ITPR2: variants seen among roughly 807,000 people sequenced by gnomAD.
ITPR2 encodes the protein inositol 1,4,5-trisphosphate receptor type 2.
A neutral mutation model predicts 317.1 loss-of-function variants in ITPR2; 207 were observed. The observed-to-expected ratio is 0.65, with a 90% CI of 0.58 to 0.73. ITPR2 has a LOEUF of 0.73. Among genes scored for constraint, ITPR2 ranks in the 30% least tolerant of loss-of-function variants. The probability of loss-of-function intolerance (pLI) is 0.00; values close to 1 mark genes in which losing one functional copy is unlikely to be tolerated. For missense variants in ITPR2, 2,613 were observed against 3,284.0 expected (o/e 0.80, Z 4.99); for synonymous variants, 1,156 against 1,149.1 (o/e 1.01, Z -0.12).
At chr12:26,821,420 A>G (rs1232793973) in intron 1 of ITPR2, among the ~76,000 whole-genome samples, 1 of 152,252 alleles carries the variant, frequency 6.6e-6, no homozygotes, top group Non-Finnish European at 1.5e-5. Flanking sequence ...GGGACACTGA[A>G]TACAGAAATT....
intron 35 of ITPR2, among the ~76,000 whole-genome samples, chr12:26,560,069 T>G (rs542670727): frequency 6.6e-6 from 1 of 152,306 alleles, no homozygotes; most frequent in Non-Finnish European, 1.5e-5. Flanking sequence ...TAGCATAGAA[T>G]TTTCACTAAA....
chr12:26,653,759 T>G (rs1029987870), intron 21 of ITPR2, among the ~76,000 whole-genome samples: 6 of 152,250 alleles, frequency 3.9e-5, no homozygotes, highest in African/African-American at 4.8e-5. Flanking sequence ...AGATGGAATC[T>G]GACCTTATGA....
chr12:26,689,667 T>C (rs974183115), intron 10 of ITPR2, among the ~76,000 whole-genome samples: 5 of 152,146 alleles, frequency 3.3e-5, no homozygotes, highest in Non-Finnish European at 7.4e-5. Flanking sequence ...GCTGTCCAAC[T>C]GCAAACAGCT....
At chr12:26,719,901 C>T (rs1169640424) in intron 5 of ITPR2, among the ~76,000 whole-genome samples, 4 of 151,600 alleles carry the variant, frequency 2.6e-5, no homozygotes, top group Non-Finnish European at 5.9e-5. Flanking sequence ...TTAAAATCTA[C>T]CATAAAAGTA....
intron 4 of ITPR2, among the ~76,000 whole-genome samples, chr12:26,722,848 G>A (rs145538230): frequency 4.7e-4 from 72 of 152,202 alleles, no homozygotes; most frequent in African/African-American, 1.7e-3. Context: ...CTAAAACTAG[G>A]TTTTCCAAAG....
At chr12:26,366,752 T>C (rs1329621549) in intron 55 of ITPR2, among the ~76,000 whole-genome samples, 1 of 152,198 alleles carries the variant, frequency 6.6e-6, no homozygotes, top group African/African-American at 2.4e-5. Context: ...AGGATGCCTA[T>C]TTGGTAGTTC....
Position 26,566,852 on chromosome 12 carries a change from T to C in ITPR2, c.4631-4900A>G, listed in dbSNP as rs74072172. 1.1e-3 allele frequency among the ~76,000 whole-genome samples: 163 copies of C among 152,292 alleles called. 1 individual carries two copies. Among genetic ancestry groups the C allele is most frequent in the African/African-American group, 3.7e-3 (155 of 41,572 alleles). ...ACTTCTGTCTCATCTGAAGGACAGA[T>C]GGCCTCAACTCTGCCAAACAGCACA... is the stretch of plus-strand genomic sequence containing the variant. On this transcript the variant is annotated intron_variant, in intron 34 of 56. Coordinates refer to ENST00000381340, the MANE Select transcript of ITPR2 (RefSeq NM_002223.4).
At chr12:26,511,460 C>A (rs575872497) in intron 37 of ITPR2, among the ~76,000 whole-genome samples, 1 of 152,230 alleles carries the variant, frequency 6.6e-6, no homozygotes, top group South Asian at 2.1e-4. Context: ...TCTCACTAAA[C>A]GCCAAGAAGG....
rs760311611 is a variant in ITPR2 at position 26,476,969 on chromosome 12, G to A, written c.6162C>T (p.Ser2054=). The A allele has an allele frequency of 3.1e-6, 5 of 1,613,230 alleles. No homozygotes were observed. The highest frequency in any genetic ancestry group is 4.2e-6 in the Non-Finnish European group (5 of 1,179,504). ...ASKLLLAIME[S]RHDSENAERI... is the part of the protein sequence containing the mutation. ...TTTCTGCATTCTCACTGTCATGTCTGCTTTCCATAATGGCCAGCAAAAGTT... is the reference window on the plus strand; with the variant it reads ...TTTCTGCATTCTCACTGTCATGTCTACTTTCCATAATGGCCAGCAAAAGTT... The change falls in exon 44 of 57, where the codon AGC becomes AGT. Residue 2054 remains serine (S), a synonymous_variant. Coordinates refer to ENST00000381340, the MANE Select transcript of ITPR2 (RefSeq NM_002223.4).
At chr12:26,607,426 C>T (rs1438047316) in intron 26 of ITPR2, among the ~76,000 whole-genome samples, 3 of 152,026 alleles carry the variant, frequency 2.0e-5, no homozygotes, top group Non-Finnish European at 2.9e-5. Flanking sequence ...AACTGAATAA[C>T]CCTCTGTGGG....
At chr12:26,691,152 T>G (rs950480025) in intron 10 of ITPR2, among the ~76,000 whole-genome samples, 1 of 152,218 alleles carries the variant, frequency 6.6e-6, no homozygotes, top group African/African-American at 2.4e-5. Flanking sequence ...AATGTGCCCC[T>G]CAAGCCAGCC....
chr12:26,686,598 C>A lies in ITPR2; in HGVS notation c.1031G>T (p.Arg344Leu), dbSNP rs377464722. ...ATACATGATCTTCTCCCCTGCCTGG[C>A]GTTTTTTCTTTGAAGTTGGAGGGAC... Reference protein sequence around the residue: ...DGVPPTSKKKRQAGEKIMYTL... With the variant: ...DGVPPTSKKKLQAGEKIMYTL... Residue 344 changes from arginine to leucine, a missense_variant, in exon 11 of 57, where the codon CGC becomes CTC. Physicochemically the swap from Arg to Leu is moderately radical, Grantham distance 102 (BLOSUM62 -2). Coordinates refer to ENST00000381340, the MANE Select transcript of ITPR2 (RefSeq NM_002223.4). 5.0e-6 allele frequency: 8 copies of A among 1,610,388 alleles called. No individual in the cohort carries two copies. In the East Asian group the frequency reaches 1.6e-4, roughly 32 times the overall value.
chr12:26,493,120 T>C (rs769649643), intron 39 of ITPR2, among the ~76,000 whole-genome samples: 3 of 152,198 alleles, frequency 2.0e-5, no homozygotes, highest in Non-Finnish European at 4.4e-5. Flanking sequence ...AAATCTATGC[T>C]GCAGCTACAG....
At chr12:26,712,231 A>G (rs1948657117) in intron 8 of ITPR2, among the ~76,000 whole-genome samples, 1 of 152,196 alleles carries the variant, frequency 6.6e-6, no homozygotes, top group South Asian at 2.1e-4. Context: ...CATAAGGCAT[A>G]TCACAATGCT....
intron 54 of ITPR2, among the ~76,000 whole-genome samples, chr12:26,396,802 C>T (rs1940013023): frequency 6.6e-6 from 1 of 152,162 alleles, no homozygotes; most frequent in African/African-American, 2.4e-5. Context: ...CAGCATATTC[C>T]TACCTAAATT....
At chr12:26,727,082 G>A (rs1251294235) in intron 2 of ITPR2, among the ~76,000 whole-genome samples, 1 of 152,158 alleles carries the variant, frequency 6.6e-6, no homozygotes, top group Non-Finnish European at 1.5e-5. Flanking sequence ...ATTACAGTAT[G>A]ATACAGGAAT....
At chr12:26,345,731 C>T (rs1938287800) in intron 55 of ITPR2, among the ~76,000 whole-genome samples, 1 of 152,174 alleles carries the variant, frequency 6.6e-6, no homozygotes, top group Non-Finnish European at 1.5e-5. Flanking sequence ...CCACAGAAGG[C>T]TCAATCTGAG....
intron 10 of ITPR2, among the ~76,000 whole-genome samples, chr12:26,695,032 T>C (rs1948313348): frequency 6.6e-6 from 1 of 152,196 alleles, no homozygotes. Context: ...CCATGTTAAT[T>C]AAACATTCCA....
intron 55 of ITPR2, among the ~76,000 whole-genome samples, chr12:26,376,200 C>T (rs1269719511): frequency 6.6e-6 from 1 of 152,172 alleles, no homozygotes; most frequent in Non-Finnish European, 1.5e-5. Flanking sequence ...TATTAGAATT[C>T]TTAATTTCTA....
Sources: allele counts gnomAD v4.1 joint callset (sites outside exome capture counted in the v4.1 genomes callset), GRCh38; gene constraint gnomAD v4.1.1; transcripts MANE v1.5; gene names NCBI Gene and HGNC (gene_info 2026-07-23, HGNC 2026-07-21).